MAPK4: variants seen among roughly 807,000 people sequenced by gnomAD.
MAPK4 encodes the protein Erk3-related.
MAPK4 carries 22 observed loss-of-function variants against 47.7 expected under a neutral mutation model. The observed-to-expected ratio is 0.46, with a 90% CI of 0.33 to 0.66. The LOEUF is 0.66. Ranked by LOEUF, MAPK4 falls within the 30% of genes least tolerant of loss-of-function variation. The pLI, the probability that MAPK4 is intolerant of heterozygous loss-of-function variation, is 0.02. For synonymous variants in MAPK4, 390 were observed against 365.7 expected, an observed-to-expected ratio of 1.07 and a Z score of -0.76; for missense variants, 736 against 831.7, an observed-to-expected ratio of 0.88 and a Z score of 1.42.
intron 2 of MAPK4, among the ~76,000 whole-genome samples, chr18:50,671,398 T>C (rs1907940770): frequency 6.6e-6 from 1 of 152,230 alleles, no homozygotes; most frequent in African/African-American, 2.4e-5. Context: ...CTAGATGTTA[T>C]TTAAAAGCAA....
intron 1 of MAPK4, among the ~76,000 whole-genome samples, chr18:50,606,987 A>G (rs578149727): frequency 6.6e-6 from 1 of 152,344 alleles, no homozygotes; most frequent in Admixed American, 6.5e-5. Flanking sequence ...TGTTGCACAC[A>G]TAGCGTGGTT....
chr18:50,645,860 C>G (rs1028595023), intron 1 of MAPK4, among the ~76,000 whole-genome samples: 9 of 152,134 alleles, frequency 5.9e-5, no homozygotes, highest in African/African-American at 2.2e-4. Flanking sequence ...CCAGTGCATA[C>G]CTCAGTTTTC....
At chr18:50,616,673 C>G (rs1320574057) in intron 1 of MAPK4, among the ~76,000 whole-genome samples, 1 of 152,202 alleles carries the variant, frequency 6.6e-6, no homozygotes, top group East Asian at 1.9e-4. Context: ...CCTGGCAGGT[C>G]ACTGGTGTAA....
At chr18:50,623,018 G>A (rs2042746023) in intron 1 of MAPK4, among the ~76,000 whole-genome samples, 1 of 152,208 alleles carries the variant, frequency 6.6e-6, no homozygotes, top group Admixed American at 6.5e-5. Context: ...TACACATGTG[G>A]ACGCAACTGT....
In MAPK4 at chr18:50,730,851, C is replaced by T. The variant is rs915976164; in HGVS notation, c.*997C>T. 1.3e-5 allele frequency: 2 copies of T among 152,158 alleles called. No homozygotes were observed. The highest frequency in any genetic ancestry group is 2.9e-5 in the Non-Finnish European group (2 of 68,048). The allele number at this position is 152,158 out of a possible 1,614,324, so 9.4% of individuals were successfully genotyped here. On this transcript the variant is annotated 3_prime_UTR_variant, in exon 6 of 6. Transcript: ENST00000400384. ...AACCACAGCGCCTCTCCAGACCTAC[C>T]TCGGGACCTAATGTTCTCTACATGA...
At chr18:50,564,765 T>C (rs1447169261) in intron 1 of MAPK4, among the ~76,000 whole-genome samples, 1 of 152,136 alleles carries the variant, frequency 6.6e-6, no homozygotes, top group Non-Finnish European at 1.5e-5. Context: ...ACCACAACTG[T>C]GGGTAGCAGA....
chr18:50,574,401 G>A (rs3853681), intron 1 of MAPK4, among the ~76,000 whole-genome samples: 40,035 of 152,100 alleles, frequency 0.26, 5,317 homozygotes, highest in South Asian at 0.32. Flanking sequence ...AGAATCACAT[G>A]TTGTTTGAGT....
chr18:50,672,540 T>A (rs9973094), intron 2 of MAPK4, among the ~76,000 whole-genome samples: 2 of 152,034 alleles, frequency 1.3e-5, no homozygotes, highest in East Asian at 1.9e-4. Context: ...CAGAAGAGGA[T>A]CCCGAGAAGA....
intron 2 of MAPK4, among the ~76,000 whole-genome samples, chr18:50,703,272 C>T (rs151008631): frequency 2.0e-5 from 3 of 152,214 alleles, no homozygotes; most frequent in African/African-American, 7.2e-5. Flanking sequence ...TCAGCAGGCA[C>T]CTCCTTCCTC....
At chr18:50,631,846 T>C (rs147631454) in intron 1 of MAPK4, among the ~76,000 whole-genome samples, 6 of 152,244 alleles carry the variant, frequency 3.9e-5, no homozygotes, top group African/African-American at 1.2e-4. Context: ...CTAAACACAG[T>C]AGGAAATAAT....
rs964681790 is a variant in MAPK4 at position 50,730,951 on chromosome 18, C to G, written c.*1097C>G. 1 of 152,252 alleles carries G rather than the reference C, an allele frequency of 6.6e-6. No homozygotes were observed. The highest frequency in any genetic ancestry group is 6.5e-5 in the Admixed American group (1 of 15,290). The allele number at this position is 152,252 out of a possible 1,614,324, so 9.4% of individuals were successfully genotyped here. A position where few individuals can be genotyped will look rare whatever the true frequency, so the allele number is the denominator to read the frequency against. On this transcript the variant is annotated 3_prime_UTR_variant, in exon 6 of 6. Coordinates refer to ENST00000400384, the MANE Select transcript of MAPK4 (RefSeq NM_002747.4). The stretch of plus-strand genomic sequence containing the variant: ...TTAGGAGAGAAGGTTTCACATGGGA[C>G]CCAACATCCTTCATCAATACTTTCC...
intron 1 of MAPK4, among the ~76,000 whole-genome samples, chr18:50,639,852 A>G (rs1189103969): frequency 6.6e-6 from 1 of 152,236 alleles, no homozygotes; most frequent in African/African-American, 2.4e-5. Flanking sequence ...AACCTGGAAC[A>G]GTGGGACAGG....
chr18:50,586,179 A>G (rs1001126942), intron 1 of MAPK4, among the ~76,000 whole-genome samples: 5 of 152,180 alleles, frequency 3.3e-5, no homozygotes, highest in African/African-American at 1.2e-4. Flanking sequence ...TTTAAAATTT[A>G]ATTTATGACT....
At chr18:50,658,546 C>T (rs181857404) in intron 1 of MAPK4, among the ~76,000 whole-genome samples, 27 of 152,330 alleles carry the variant, frequency 1.8e-4, no homozygotes, top group Admixed American at 1.5e-3. Flanking sequence ...CTCTGGTAAA[C>T]CCTCAGGACA....
chr18:50,642,626 C>T (rs530001548), intron 1 of MAPK4, among the ~76,000 whole-genome samples: 159 of 152,260 alleles, frequency 1.0e-3, no homozygotes, highest in African/African-American at 3.4e-3. Context: ...GGGTGTTAAC[C>T]ACAGGGGGAC....
chr18:50,568,438 C>T (rs1289733069), intron 1 of MAPK4, among the ~76,000 whole-genome samples: 1 of 152,172 alleles, frequency 6.6e-6, no homozygotes, highest in Non-Finnish European at 1.5e-5. Flanking sequence ...TTACAACAGT[C>T]TCTGAAGTGG....
At position 50,625,457 on chromosome 18, in the gene MAPK4, G is replaced by A. The variant is rs8092837; in HGVS notation, c.-870-37632G>A. 7.9e-3 allele frequency among the ~76,000 whole-genome samples: 1,208 copies of A among 152,126 alleles called. 18 individuals are homozygous for A. The highest frequency in any genetic ancestry group is 0.028 in the African/African-American group (1,148 of 41,490). ...TTCTAGCTTCCTCCCTCCAAAGACC[G>A]CAGGAGTCACAAACCCCCATTCCGT... On this transcript the variant is annotated intron_variant, in intron 1 of 5. Transcript: ENST00000400384.
At chr18:50,667,528 C>T (rs1286963927) in intron 2 of MAPK4, among the ~76,000 whole-genome samples, 1 of 152,158 alleles carries the variant, frequency 6.6e-6, no homozygotes, top group African/African-American at 2.4e-5. Flanking sequence ...AGGATGCTGT[C>T]TACACACAAA....
At chr18:50,595,396 A>G (rs2042472933) in intron 1 of MAPK4, among the ~76,000 whole-genome samples, 2 of 152,218 alleles carry the variant, frequency 1.3e-5, no homozygotes, top group African/African-American at 4.8e-5. Context: ...GATATGCAAA[A>G]TAATCTCCAA....
Sources: gnomAD v4.1 joint callset for allele counts (sites outside exome capture counted in the v4.1 genomes callset) on GRCh38, gnomAD v4.1.1 for gene constraint, MANE v1.5 for transcripts, NCBI Gene and HGNC (gene_info 2026-07-23, HGNC 2026-07-21) for gene names.